Variants in DPYD observed in about 807,000 individuals in gnomAD.
The protein encoded by DPYD is dihydropyrimidine dehydrogenase, also known as dihydropyrimidine dehydrogenase [NADP(+)].
In DPYD, 109 loss-of-function variants were observed where a neutral mutation model predicts 116.2. The observed-to-expected ratio is 0.94, with a 90% CI of 0.80 to 1.10. The LOEUF (loss-of-function observed/expected upper bound fraction) is 1.10, where lower values mean the gene tolerates loss of function less well. DPYD is among the 50% of genes least tolerant of loss of function. DPYD has a pLI of 0.00. For missense variants in DPYD, 1,302 were observed against 1,254.5 expected, an observed-to-expected ratio of 1.04 and a Z score of -0.57; for synonymous variants, 440 against 432.0, an observed-to-expected ratio of 1.02 and a Z score of -0.23.
chr1:97,377,244 G>A (rs1199015737), intron 15 of DPYD, among the ~76,000 whole-genome samples: 1 of 151,884 alleles, frequency 6.6e-6, no homozygotes, highest in Non-Finnish European at 1.5e-5. Context: ...ATTTTTTACA[G>A]TTTTAAGTAA....
intron 1 of DPYD, among the ~76,000 whole-genome samples, chr1:97,908,429 C>G (rs914031301): frequency 1.3e-5 from 2 of 151,942 alleles, no homozygotes; most frequent in African/African-American, 4.8e-5. Context: ...CATCTACCAA[C>G]CCCAGGGGGT....
At position 97,515,019 on chromosome 1, in the gene DPYD, G is replaced by A. The variant is rs1448855356; in HGVS notation, c.1740+707C>T. Among the ~76,000 whole-genome samples, 8 of 151,976 alleles carry A rather than the reference G, an allele frequency of 5.3e-5. 1 individual carries two copies. Among genetic ancestry groups the A allele is most frequent in the Non-Finnish European group, 1.2e-4 (8 of 67,892 alleles). On this transcript the variant is annotated intron_variant, in intron 13 of 22. Coordinates refer to ENST00000370192, the MANE Select transcript of DPYD (RefSeq NM_000110.4). ...AGTATTAAATACATTGAGAGGTTTA[G>A]CATTTGTAATTTATCAATAAATGGT... is the stretch of plus-strand genomic sequence containing the variant.
chr1:97,528,439 G>C (rs945112724), intron 12 of DPYD, among the ~76,000 whole-genome samples: 1 of 151,952 alleles, frequency 6.6e-6, no homozygotes, highest in Non-Finnish European at 1.5e-5. Flanking sequence ...AATATTAATT[G>C]GCTCCATGGC....
chr1:97,683,747 ATGCTTG>A (rs1660557551), intron 7 of DPYD, among the ~76,000 whole-genome samples: 1 of 152,092 alleles, frequency 6.6e-6, no homozygotes, highest in African/African-American at 2.4e-5. Flanking sequence ...AATTGAGAGT[ATGCTTG>A]ATAAATTTAA....
At chr1:97,913,522 C>A (rs1214036136) in intron 1 of DPYD, among the ~76,000 whole-genome samples, 1 of 152,100 alleles carries the variant, frequency 6.6e-6, no homozygotes, top group Admixed American at 6.6e-5. Flanking sequence ...GCAAAATTAT[C>A]CCCAGGCTTA....
At chr1:97,278,456 A>G (rs1247815174) in intron 18 of DPYD, among the ~76,000 whole-genome samples, 1 of 152,206 alleles carries the variant, frequency 6.6e-6, no homozygotes, top group Non-Finnish European at 1.5e-5. Flanking sequence ...GTTGTTGATA[A>G]TGTGCCGGCA....
chr1:97,262,467 G>A (rs550689554), intron 18 of DPYD, among the ~76,000 whole-genome samples: 6 of 152,002 alleles, frequency 3.9e-5, no homozygotes, highest in South Asian at 4.2e-4. Context: ...TTAACAATTC[G>A]TTCTTCAACT....
chr1:97,857,008 G>T (rs1670878246), intron 2 of DPYD, among the ~76,000 whole-genome samples: 1 of 152,062 alleles, frequency 6.6e-6, no homozygotes, highest in African/African-American at 2.4e-5. Flanking sequence ...CTGAGAAGAG[G>T]ATCCTCTCCC....
chr1:97,559,997 T>C (rs1652028656), intron 11 of DPYD, among the ~76,000 whole-genome samples: 1 of 152,164 alleles, frequency 6.6e-6, no homozygotes, highest in Non-Finnish European at 1.5e-5. Context: ...GTTACCAAGG[T>C]CACACCCTTA....
intron 14 of DPYD, among the ~76,000 whole-genome samples, chr1:97,384,222 A>G (rs1672164672): frequency 6.6e-6 from 1 of 150,694 alleles, no homozygotes; most frequent in Non-Finnish European, 1.5e-5. Context: ...CTCTCACTAC[A>G]TAGAGCTTTT....
At chr1:97,151,950 G>A (rs567311335) in intron 20 of DPYD, among the ~76,000 whole-genome samples, 159 of 152,244 alleles carry the variant, frequency 1.0e-3, no homozygotes, top group Admixed American at 2.7e-3. Context: ...AATTTGTCTA[G>A]TATATTTTAT....
intron 14 of DPYD, among the ~76,000 whole-genome samples, chr1:97,423,034 T>C (rs1168407186): frequency 1.3e-5 from 2 of 151,824 alleles, no homozygotes; most frequent in Non-Finnish European, 1.5e-5. Flanking sequence ...CACCGAGAAC[T>C]AGGCATGTTT....
At chr1:97,085,492 A>C (rs1411158732) in intron 21 of DPYD, among the ~76,000 whole-genome samples, 1 of 152,254 alleles carries the variant, frequency 6.6e-6, no homozygotes, top group Non-Finnish European at 1.5e-5. Context: ...TCCCTTATTA[A>C]GTACAATTTT....
chr1:97,674,034 G>C (rs1660013746), intron 8 of DPYD, among the ~76,000 whole-genome samples: 1 of 152,064 alleles, frequency 6.6e-6, no homozygotes, highest in South Asian at 2.1e-4. Context: ...TTCTTTATCT[G>C]GAAGGAAATA....
intron 2 of DPYD, among the ~76,000 whole-genome samples, chr1:97,841,657 G>C (rs557340247): frequency 5.3e-5 from 8 of 151,924 alleles, no homozygotes; most frequent in African/African-American, 1.9e-4. Context: ...TCCTGAACCT[G>C]ACAGGATCAT....
intron 4 of DPYD, among the ~76,000 whole-genome samples, chr1:97,721,965 T>C (rs1403174495): frequency 6.6e-6 from 1 of 151,714 alleles, no homozygotes; most frequent in Non-Finnish European, 1.5e-5. Context: ...TTACAAGTCA[T>C]CTAACTATAT....
At chr1:97,736,014 TAAAG>T (rs1399821189) in intron 4 of DPYD, among the ~76,000 whole-genome samples, 4 of 152,004 alleles carry the variant, frequency 2.6e-5, no homozygotes, top group African/African-American at 7.2e-5. Flanking sequence ...AAGAGCTTCA[TAAAG>T]AAAGAGAGAC....
At chr1:97,778,270 G>T (rs1666539407) in intron 3 of DPYD, among the ~76,000 whole-genome samples, 1 of 149,392 alleles carries the variant, frequency 6.7e-6, no homozygotes, top group Non-Finnish European at 1.5e-5. Context: ...TATATTATTT[G>T]GTTATAATAA....
chr1:97,783,934 T>C (rs1163847892), intron 3 of DPYD, among the ~76,000 whole-genome samples: 1 of 152,172 alleles, frequency 6.6e-6, no homozygotes, highest in Non-Finnish European at 1.5e-5. Flanking sequence ...TGACAATAGA[T>C]GCTACCTCAG....
Sources: allele counts gnomAD v4.1 joint callset (sites outside exome capture counted in the v4.1 genomes callset), GRCh38; gene constraint gnomAD v4.1.1; transcripts MANE v1.5; gene names NCBI Gene and HGNC (gene_info 2026-07-23, HGNC 2026-07-21).